TENM2: variants seen among roughly 807,000 people sequenced by gnomAD.
TENM2 encodes the protein teneurin-2.
TENM2 carries 52 observed loss-of-function variants against 245.2 expected under a neutral mutation model. The ratio of observed to expected loss-of-function variants is 0.21; its 90% confidence interval spans 0.17 to 0.27. The LOEUF (loss-of-function observed/expected upper bound fraction) is 0.27, where lower values mean the gene tolerates loss of function less well. Among genes scored for constraint, TENM2 ranks in the 10% least tolerant of loss-of-function variants. The probability of loss-of-function intolerance (pLI) is 1.00; values close to 1 mark genes in which losing one functional copy is unlikely to be tolerated. For synonymous variants in TENM2, 1,363 were observed against 1,438.9 expected, an observed-to-expected ratio of 0.95 and a Z score of 1.19; for missense variants, 3,046 against 3,666.8, an observed-to-expected ratio of 0.83 and a Z score of 4.37.
At chr5:167,509,247 C>T (rs1269680556) in intron 2 of TENM2, among the ~76,000 whole-genome samples, 1 of 152,204 alleles carries the variant, frequency 6.6e-6, no homozygotes, top group East Asian at 1.9e-4. Context: ...TGACTGTAGA[C>T]TAATTGTCCT....
At chr5:167,604,040 T>C (rs1443800751) in intron 2 of TENM2, among the ~76,000 whole-genome samples, 3 of 152,150 alleles carry the variant, frequency 2.0e-5, no homozygotes, top group Non-Finnish European at 2.9e-5. Flanking sequence ...GGACTCCTGA[T>C]TGGAGTGAAA....
At chr5:167,705,374 T>C (rs954307223) in intron 2 of TENM2, among the ~76,000 whole-genome samples, 4 of 152,136 alleles carry the variant, frequency 2.6e-5, no homozygotes, top group African/African-American at 9.7e-5. Context: ...GGTAGAGTAA[T>C]TGATAGAAAC....
At chr5:167,016,902 A>G in the TENM2 span, among the ~76,000 whole-genome samples, 149 of 152,336 alleles carry the variant, frequency 9.8e-4, 1 homozygote, top group East Asian at 0.016. Flanking sequence ...TGGAGAAAGG[A>G]AGAATTATCG....
the TENM2 span, among the ~76,000 whole-genome samples, chr5:167,259,672 A>G: frequency 1.3e-5 from 2 of 152,204 alleles, no homozygotes; most frequent in African/African-American, 4.8e-5. Context: ...ATTAAAAGAA[A>G]GAGTGGCTGT....
intron 2 of TENM2, among the ~76,000 whole-genome samples, chr5:167,485,951 A>G (rs1270514506): frequency 6.6e-6 from 1 of 152,168 alleles, no homozygotes; most frequent in Non-Finnish European, 1.5e-5. Context: ...GTGCACACAC[A>G]CACAAATTAT....
At position 167,405,769 on chromosome 5, in the gene TENM2, AACACACACACAC is replaced by A. The variant is rs149621688; in HGVS notation, c.502+30315_502+30326del. 3.4e-5 allele frequency among the ~76,000 whole-genome samples: 5 copies of A among 145,286 alleles called. No individual in the cohort carries two copies. The East Asian group carries it at 8.2e-4, about 24-fold the overall frequency. On this transcript the variant is annotated intron_variant, in intron 2 of 28. Transcript: ENST00000518659. ...AGTGCAATTCAAACACACACACACA[AACACACACACAC>A]ACACACACACACACACACGCACACA... is the stretch of plus-strand genomic sequence containing the variant.
intron 2 of TENM2, among the ~76,000 whole-genome samples, chr5:167,466,062 C>G (rs538887212): frequency 1.3e-5 from 2 of 152,254 alleles, no homozygotes; most frequent in East Asian, 3.9e-4. Flanking sequence ...CCCCTCTCCC[C>G]CCTCAGTCTG....
intron 5 of TENM2, among the ~76,000 whole-genome samples, chr5:168,036,010 G>A (rs1260707212): frequency 6.6e-6 from 1 of 152,106 alleles, no homozygotes; most frequent in Non-Finnish European, 1.5e-5. Context: ...CTTTCCAAAC[G>A]TGCCTATCTT....
At chr5:168,233,388 G>A (rs761532897) in intron 25 of TENM2, among the ~76,000 whole-genome samples, 13 of 152,100 alleles carry the variant, frequency 8.5e-5, no homozygotes, top group Admixed American at 2.0e-4. Flanking sequence ...GGACCAGGTC[G>A]CCCCTGTATC....
At chr5:168,026,733 T>G (rs2151935157) in intron 5 of TENM2, among the ~76,000 whole-genome samples, 1 of 152,120 alleles carries the variant, frequency 6.6e-6, no homozygotes, top group South Asian at 2.1e-4. Flanking sequence ...ATAGGGGAGG[T>G]TATAAAGACT....
In TENM2 at chr5:167,997,324, G is replaced by A. The variant is rs2546953; in HGVS notation, c.1186+4142G>A. Among the ~76,000 whole-genome samples the A allele has an allele frequency of 5.2e-3, 785 of 152,204 alleles. 6 individuals are homozygous for A. The highest frequency in any genetic ancestry group is 0.018 in the African/African-American group (740 of 41,534). ...GTATGAAACTGAAATAAATGATCCC[G>A]TTGATAGCATTAACTCACCTTATCT... On this transcript the variant is annotated intron_variant, in intron 5 of 28. Coordinates refer to ENST00000518659, the Ensembl canonical transcript of TENM2.
chr5:168,257,716 A>G (rs1014831263), intron 27 of TENM2, among the ~76,000 whole-genome samples: 3 of 151,660 alleles, frequency 2.0e-5, no homozygotes, highest in African/African-American at 7.3e-5. Flanking sequence ...CCCGGGTTCA[A>G]GCGATTCTCC....
the TENM2 span, among the ~76,000 whole-genome samples, chr5:167,105,749 G>A: frequency 1.3e-5 from 2 of 148,996 alleles, no homozygotes; most frequent in Non-Finnish European, 3.0e-5. Flanking sequence ...TTAGCCGGGC[G>A]TAGTGGCGGG....
At position 167,383,728 on chromosome 5, in the gene TENM2, T is replaced by TAA. The variant is rs10549785; in HGVS notation, c.502+8276_502+8277dup. 2.9e-3 allele frequency among the ~76,000 whole-genome samples: 322 copies of TAA among 110,358 alleles called. 1 individual carries two copies. The highest frequency in any genetic ancestry group is 0.014 in the Admixed American group (136 of 10,006). 72.4% of individuals were successfully genotyped at this position (110,358 alleles called of 152,430 possible). A position where few individuals can be genotyped will look rare whatever the true frequency, so the allele number is the denominator to read the frequency against. On this transcript the variant is annotated intron_variant, in intron 2 of 28. Transcript: ENST00000518659. ...AGCATCATGATAAACTGGTGCAGGA[T>TAA]AAAAAAAAAAAAAAAAAAAAAACTT...
the TENM2 span, among the ~76,000 whole-genome samples, chr5:167,084,816 G>A: frequency 1.3e-5 from 2 of 152,146 alleles, no homozygotes; most frequent in Non-Finnish European, 2.9e-5. Flanking sequence ...ATGCATGACA[G>A]CTTTCTGAAT....
the TENM2 span, among the ~76,000 whole-genome samples, chr5:167,097,184 A>G: frequency 6.6e-6 from 1 of 152,108 alleles, no homozygotes; most frequent in Admixed American, 6.6e-5. Flanking sequence ...TATTGAGGTA[A>G]TGGATCGGCA....
At position 168,004,517 on chromosome 5, in the gene TENM2, GCACACACA is replaced by G. The variant is rs550787443; in HGVS notation, c.1186+11369_1186+11376del. ...TTGGGATGCACGCATGCGCGCGCGC[GCACACACA>G]CACACACACACACACACACACACAC... On this transcript the variant is annotated intron_variant, in intron 5 of 28. Transcript: ENST00000518659. 8.6e-3 allele frequency among the ~76,000 whole-genome samples: 1,133 copies of G among 132,216 alleles called. 15 individuals are homozygous for G. Among genetic ancestry groups the G allele is most frequent in the Admixed American group, 0.012 (163 of 13,564 alleles). 86.7% of individuals were successfully genotyped at this position (132,216 alleles called of 152,430 possible).
At chr5:168,022,018 A>G (rs1373343609) in intron 5 of TENM2, among the ~76,000 whole-genome samples, 2 of 152,234 alleles carry the variant, frequency 1.3e-5, no homozygotes, top group East Asian at 1.9e-4. Flanking sequence ...ACTGAGACCT[A>G]GAGATTGTCT....
At position 168,081,765 on chromosome 5, in the gene TENM2, C is replaced by G. The variant is rs1056734273; in HGVS notation, c.1516-8809C>G. On this transcript the variant is annotated intron_variant, in intron 7 of 28. Coordinates refer to ENST00000518659, the Ensembl canonical transcript of TENM2. ...AGAATGTTGAATATTGGCCCCCACT[C>G]TCTTCTGGCTTGTAGAGTTTCTGCC... 2.6e-5 allele frequency among the ~76,000 whole-genome samples: 4 copies of G among 152,348 alleles called. No homozygotes were observed. The South Asian group carries it at 6.2e-4, about 24-fold the overall frequency.
Sources: allele counts gnomAD v4.1 joint callset (sites outside exome capture counted in the v4.1 genomes callset), GRCh38; gene constraint gnomAD v4.1.1; transcripts MANE v1.5; gene names NCBI Gene and HGNC (gene_info 2026-07-23, HGNC 2026-07-21).